Variants in ATXN7L1 observed in about 807,000 individuals in gnomAD.
ATXN7L1 encodes ataxin-7-like protein 1.
A neutral mutation model predicts 70.8 loss-of-function variants in ATXN7L1; 15 were observed. The observed-to-expected ratio is 0.21, with a 90% CI of 0.14 to 0.33. The LOEUF is 0.33. ATXN7L1 is among the 10% of genes least tolerant of loss of function. The pLI is 1.00. For missense variants in ATXN7L1, 975 were observed against 1,097.1 expected, an observed-to-expected ratio of 0.89 and a Z score of 1.57; for synonymous variants, 440 against 445.1, an observed-to-expected ratio of 0.99 and a Z score of 0.14.
chr7:105,610,502 G>GGGCCA, intron 11 of ATXN7L1, 27 bp downstream of exon 11: 6 of 1,525,626 alleles, frequency 3.9e-6, no homozygotes, highest in Non-Finnish European at 5.3e-6. Flanking sequence ...ATGAATTTTT[G>GGGCCA]CCCCACCCCC....
intron 3 of ATXN7L1, among the ~76,000 whole-genome samples, chr7:105,785,840 C>T (rs1359766411): frequency 1.3e-5 from 2 of 152,178 alleles, no homozygotes; most frequent in Non-Finnish European, 1.5e-5. Flanking sequence ...AGACAGTCCT[C>T]GCCAGAATCT....
At chr7:105,800,496 T>C (rs1385085946) in intron 2 of ATXN7L1, among the ~76,000 whole-genome samples, 1 of 152,228 alleles carries the variant, frequency 6.6e-6, no homozygotes, top group Non-Finnish European at 1.5e-5. Context: ...TGTTTAAAGA[T>C]AGTGGTGGAT....
chr7:105,855,578 T>C (rs1272135868), intron 2 of ATXN7L1, among the ~76,000 whole-genome samples: 1 of 152,228 alleles, frequency 6.6e-6, no homozygotes, highest in South Asian at 2.1e-4. Context: ...CAGGGCATGA[T>C]TTATTATTTT....
chr7:105,618,015 T>C (rs1163870270), intron 9 of ATXN7L1: 1 of 456,536 alleles, frequency 2.2e-6, no homozygotes, highest in Non-Finnish European at 4.4e-6. Flanking sequence ...GCAGCCCCAA[T>C]GTTGCTCAGT....
At chr7:105,736,214 T>C (rs894570195) in intron 3 of ATXN7L1, among the ~76,000 whole-genome samples, 1 of 152,170 alleles carries the variant, frequency 6.6e-6, no homozygotes, top group Non-Finnish European at 1.5e-5. Flanking sequence ...GGGCTGAATA[T>C]AGGAAATGCA....
intron 4 of ATXN7L1, 52 bp downstream of exon 4, chr7:105,665,014 C>T: frequency 4.8e-6 from 7 of 1,466,944 alleles, no homozygotes; most frequent in Admixed American, 4.0e-5. Flanking sequence ...CCCATGGTGA[C>T]AGGAACAGCA....
intron 3 of ATXN7L1, among the ~76,000 whole-genome samples, chr7:105,702,993 G>A (rs1395742053): frequency 6.6e-6 from 1 of 152,238 alleles, no homozygotes; most frequent in Non-Finnish European, 1.5e-5. Flanking sequence ...GCGTGCGCCT[G>A]TAGTCCCAGC....
chr7:105,735,845 T>C (rs1797313716), intron 3 of ATXN7L1, among the ~76,000 whole-genome samples: 1 of 152,194 alleles, frequency 6.6e-6, no homozygotes, highest in Non-Finnish European at 1.5e-5. Flanking sequence ...TATAATTAAT[T>C]AATCATATAT....
At position 105,722,560 on chromosome 7, in the gene ATXN7L1, TAAAAAAAAAAAA is replaced by T. The variant is rs56228890; in HGVS notation, c.356-57284_356-57273del. 8.6e-3 allele frequency among the ~76,000 whole-genome samples: 179 copies of T among 20,836 alleles called. 1 individual carries two copies. The highest frequency in any genetic ancestry group is 0.011 in the African/African-American group (81 of 7,180). 13.7% of individuals were successfully genotyped at this position (20,836 alleles called of 152,430 possible). On this transcript the variant is annotated intron_variant, in intron 3 of 11. Coordinates refer to ENST00000419735, the MANE Select transcript of ATXN7L1 (RefSeq NM_020725.2). ...TGGGCAACAGAGTGAGACTCTGCCT[TAAAAAAAAAAAA>T]AAAAAAAAAAAAAAAAAAAAAAAAA...
At position 105,607,758 on chromosome 7, in the gene ATXN7L1, C is replaced by A; in HGVS notation, c.*94G>T. ...GGGAGTGCACAGAAAACAGACTCTC[C>A]CCCCAGCCCACTCCCCTCCCTCCTC... On this transcript the variant is annotated 3_prime_UTR_variant, in exon 12 of 12. Coordinates refer to ENST00000419735, the MANE Select transcript of ATXN7L1 (RefSeq NM_020725.2). The A allele has an allele frequency of 8.6e-7, 1 of 1,158,956 alleles. No individual in the cohort carries two copies. Among genetic ancestry groups the A allele is most frequent in the Non-Finnish European group, 1.3e-6 (1 of 795,692 alleles). The allele number at this position is 1,158,956 out of a possible 1,614,324, so 71.8% of individuals were successfully genotyped here.
chr7:105,616,444 C>T (rs1428620911), intron 9 of ATXN7L1, among the ~76,000 whole-genome samples: 4 of 152,206 alleles, frequency 2.6e-5, no homozygotes, highest in South Asian at 4.1e-4. Context: ...TCCTTGAAAA[C>T]GTCAGACCAA....
At chr7:105,808,266 A>C (rs1323823709) in intron 2 of ATXN7L1, among the ~76,000 whole-genome samples, 1 of 152,186 alleles carries the variant, frequency 6.6e-6, no homozygotes, top group Admixed American at 6.5e-5. Flanking sequence ...TGAAAGGAAA[A>C]AGATAATTTC....
intron 3 of ATXN7L1, among the ~76,000 whole-genome samples, chr7:105,717,217 T>C (rs1794674620): frequency 6.6e-6 from 1 of 152,238 alleles, no homozygotes; most frequent in Non-Finnish European, 1.5e-5. Flanking sequence ...AACCTCCACC[T>C]CCTGGGTTCA....
intron 7 of ATXN7L1, among the ~76,000 whole-genome samples, chr7:105,626,005 T>G (rs1795647737): frequency 6.6e-6 from 1 of 152,260 alleles, no homozygotes; most frequent in South Asian, 2.1e-4. Context: ...CTGATCTGTC[T>G]CCCTTTTCTC....
chr7:105,801,753 A>G (rs1340623363), intron 2 of ATXN7L1, among the ~76,000 whole-genome samples: 2 of 152,166 alleles, frequency 1.3e-5, no homozygotes, highest in South Asian at 2.1e-4. Context: ...ATGACAGCCA[A>G]TTGTGCACAT....
chr7:105,824,275 C>T (rs1378161398), intron 2 of ATXN7L1, among the ~76,000 whole-genome samples: 1 of 152,112 alleles, frequency 6.6e-6, no homozygotes, highest in African/African-American at 2.4e-5. Flanking sequence ...TCCACTAAAA[C>T]ACCCTGAACC....
intron 11 of ATXN7L1, among the ~76,000 whole-genome samples, chr7:105,608,516 C>A (rs1006684739): frequency 6.6e-5 from 10 of 152,098 alleles, no homozygotes; most frequent in Non-Finnish European, 1.5e-4. Flanking sequence ...ATTTTGGGTT[C>A]CCAGCAGGTG....
intron 2 of ATXN7L1, among the ~76,000 whole-genome samples, chr7:105,870,048 G>A (rs1226123823): frequency 2.6e-5 from 4 of 152,128 alleles, no homozygotes; most frequent in African/African-American, 4.8e-5. Flanking sequence ...TTGGGAGGCC[G>A]AGGCGGGCGG....
chr7:105,842,530 A>G (rs1245681723), intron 2 of ATXN7L1, among the ~76,000 whole-genome samples: 1 of 152,192 alleles, frequency 6.6e-6, no homozygotes, highest in Admixed American at 6.5e-5. Flanking sequence ...ATGTTATAGC[A>G]GGTATTGATA....
Sources: gnomAD v4.1 joint callset for allele counts (sites outside exome capture counted in the v4.1 genomes callset) on GRCh38, gnomAD v4.1.1 for gene constraint, MANE v1.5 for transcripts, NCBI Gene and HGNC (gene_info 2026-07-23, HGNC 2026-07-21) for gene names.